Variants in ASCC3 observed in about 807,000 individuals in gnomAD.
ASCC3 encodes the protein activating signal cointegrator 1 complex subunit 3, also known as ASC-1 complex subunit P200.
In ASCC3, 158 loss-of-function variants were observed where a neutral mutation model predicts 256.3. The observed-to-expected ratio is 0.62, with a 90% CI of 0.54 to 0.70. The LOEUF (loss-of-function observed/expected upper bound fraction) is 0.70. Ranked by LOEUF, ASCC3 falls within the 30% of genes least tolerant of loss-of-function variation. ASCC3 has a pLI of 0.00. For synonymous variants in ASCC3, 948 were observed against 883.4 expected (o/e 1.07, Z -1.30); for missense variants, 2,259 against 2,626.0 (o/e 0.86, Z 3.05).
chr6:100,688,817 G>A (rs1382148421), intron 13 of ASCC3, among the ~76,000 whole-genome samples: 4 of 152,098 alleles, frequency 2.6e-5, no homozygotes, highest in Non-Finnish European at 4.4e-5. Context: ...CTAGGAAGAT[G>A]ATGAACACAG....
At chr6:100,792,753 A>C (rs1354174655) in intron 8 of ASCC3, among the ~76,000 whole-genome samples, 2 of 151,956 alleles carry the variant, frequency 1.3e-5, no homozygotes, top group African/African-American at 4.8e-5. Context: ...AAGTTCATCC[A>C]ATTTAGAATG....
chr6:100,738,478 T>C (rs1780285005), intron 10 of ASCC3, among the ~76,000 whole-genome samples: 1 of 152,232 alleles, frequency 6.6e-6, no homozygotes, highest in Non-Finnish European at 1.5e-5. Context: ...TAGGGAATCC[T>C]TTCCCCACTG....
intron 14 of ASCC3, among the ~76,000 whole-genome samples, chr6:100,674,971 T>G (rs1776935358): frequency 6.6e-6 from 1 of 152,080 alleles, no homozygotes; most frequent in African/African-American, 2.4e-5. Flanking sequence ...CCACTTTGTA[T>G]GTGATGAAAT....
At chr6:100,645,496 G>C (rs1775335896) in intron 22 of ASCC3, among the ~76,000 whole-genome samples, 1 of 151,992 alleles carries the variant, frequency 6.6e-6, no homozygotes, top group South Asian at 2.1e-4. Flanking sequence ...TGACATTAAA[G>C]ATGTATAAAC....
At chr6:100,593,274 C>T (rs80093605) in intron 34 of ASCC3, among the ~76,000 whole-genome samples, 4,845 of 152,184 alleles carry the variant, frequency 0.032, 93 homozygotes, top group African/African-American at 0.061. Flanking sequence ...TGACAGCATC[C>T]AGCACATGGG....
chr6:100,523,600 G>C (rs1233418020), intron 37 of ASCC3, among the ~76,000 whole-genome samples: 4 of 152,086 alleles, frequency 2.6e-5, no homozygotes, highest in Non-Finnish European at 5.9e-5. Context: ...TGAAGCCAAA[G>C]GTATCCCTTA....
chr6:100,723,871 T>C (rs1311325885), intron 11 of ASCC3, among the ~76,000 whole-genome samples: 1 of 31,996 alleles, frequency 3.1e-5, no homozygotes, highest in African/African-American at 1.9e-4. Context: ...TATATATATA[T>C]ATATATATAT....
intron 13 of ASCC3, among the ~76,000 whole-genome samples, chr6:100,707,198 C>T (rs958283636): frequency 6.6e-6 from 1 of 152,008 alleles, no homozygotes; most frequent in African/African-American, 2.4e-5. Flanking sequence ...TGTGGTAGGA[C>T]CTGTCTTGCT....
intron 8 of ASCC3, among the ~76,000 whole-genome samples, chr6:100,786,000 G>A (rs565594152): frequency 6.6e-6 from 1 of 152,186 alleles, no homozygotes; most frequent in East Asian, 1.9e-4. Flanking sequence ...TTCTTGGGAG[G>A]GTAAGATGCC....
At chr6:100,700,016 T>A (rs239216) in intron 13 of ASCC3, among the ~76,000 whole-genome samples, 1 of 151,876 alleles carries the variant, frequency 6.6e-6, no homozygotes, top group African/African-American at 2.4e-5. Context: ...ATTTTCTAAG[T>A]AGCAATTCAA....
chr6:100,840,233 A>C (rs76551247), intron 4 of ASCC3, among the ~76,000 whole-genome samples: 1,553 of 152,286 alleles, frequency 0.01, 23 homozygotes, highest in African/African-American at 0.035. Context: ...ATAACTCTCC[A>C]CCCAAAACCA....
intron 33 of ASCC3, among the ~76,000 whole-genome samples, chr6:100,602,908 T>C (rs1301323382): frequency 6.6e-6 from 1 of 151,866 alleles, no homozygotes; most frequent in Non-Finnish European, 1.5e-5. Flanking sequence ...CACGAGAAAA[T>C]AGTTATAATA....
At chr6:100,527,601 G>A (rs1017244834) in intron 37 of ASCC3, among the ~76,000 whole-genome samples, 20 of 152,028 alleles carry the variant, frequency 1.3e-4, no homozygotes, top group Non-Finnish European at 2.8e-4. Context: ...TCTGCTCCAT[G>A]GCAATTCTAC....
intron 10 of ASCC3, among the ~76,000 whole-genome samples, chr6:100,755,993 A>G (rs1020253364): frequency 6.6e-6 from 1 of 152,042 alleles, no homozygotes; most frequent in African/African-American, 2.4e-5. Flanking sequence ...ATATATATTT[A>G]TGTTAACAGA....
chr6:100,627,988 C>T lies in ASCC3; in HGVS notation c.4376-1G>A. The T allele has an allele frequency of 6.2e-7, 1 of 1,612,626 alleles. No homozygotes were observed. The highest frequency in any genetic ancestry group is 8.5e-7 in the Non-Finnish European group (1 of 1,179,510). ...TCTAGAACAGGGCCTCTTTCCTCCC[C>T]TAGAAAATAGGGAAAAATCAATGTT... is the stretch of plus-strand genomic sequence containing the variant. On this transcript the variant is annotated splice_acceptor_variant, in intron 27 of 41. Transcript: ENST00000369162. LOFTEE classifies it high-confidence loss of function.
At chr6:100,863,847 T>C (rs1773342897) in intron 3 of ASCC3, among the ~76,000 whole-genome samples, 1 of 152,090 alleles carries the variant, frequency 6.6e-6, no homozygotes, top group South Asian at 2.1e-4. Context: ...GGTCTCGAAC[T>C]CCTGGACTCA....
chr6:100,518,207 T>C, intron 37 of ASCC3, 65 bp from the exon 38 acceptor site: 1 of 1,564,610 alleles, frequency 6.4e-7, no homozygotes, highest in Non-Finnish European at 8.8e-7. Flanking sequence ...CCACTGGGAT[T>C]CTGATGTTAG....
At chr6:100,838,150 G>C (rs1287440594) in intron 4 of ASCC3, among the ~76,000 whole-genome samples, 1 of 152,034 alleles carries the variant, frequency 6.6e-6, no homozygotes, top group African/African-American at 2.4e-5. Context: ...AGCATACTAT[G>C]CAAAGAAAAA....
chr6:100,581,924 T>C (rs1224098692), intron 36 of ASCC3, among the ~76,000 whole-genome samples: 1 of 151,986 alleles, frequency 6.6e-6, no homozygotes, highest in African/African-American at 2.4e-5. Context: ...GAGGGCTCTG[T>C]TCTGTTCCAT....
Sources: allele counts gnomAD v4.1 joint callset (sites outside exome capture counted in the v4.1 genomes callset), GRCh38; gene constraint gnomAD v4.1.1; transcripts MANE v1.5; gene names NCBI Gene and HGNC (gene_info 2026-07-23, HGNC 2026-07-21).